The following CCDC146 variants were observed in gnomAD, a reference collection of about 807,000 sequenced individuals.
CCDC146 encodes coiled-coil domain containing 146.
CCDC146 carries 92 observed loss-of-function variants against 119.3 expected under a neutral mutation model. The ratio of observed to expected loss-of-function variants is 0.77; its 90% CI spans 0.65 to 0.92. CCDC146 has a LOEUF of 0.92. CCDC146 is among the 40% of genes least tolerant of loss of function. The probability of loss-of-function intolerance (pLI) is 0.00; values close to 1 mark genes in which losing one functional copy is unlikely to be tolerated. For missense variants in CCDC146, 1,000 were observed against 1,103.0 expected (o/e 0.91, Z 1.32); for synonymous variants, 372 against 371.8 (o/e 1.00, Z -0.01).
At chr7:77,293,278 A>C in intron 18 of CCDC146, 78 bp downstream of exon 18, 1 of 1,506,934 alleles carries the variant, frequency 6.6e-7, no homozygotes, top group African/African-American at 1.4e-5. Context: ...GTTATCCCAC[A>C]GTATAAGAAA....
chr7:77,286,873 T>A lies in CCDC146; in HGVS notation c.2224T>A (p.Phe742Ile). 6.2e-7 allele frequency: 1 copy of A among 1,614,148 alleles called. No individual in the cohort carries two copies. Among genetic ancestry groups the A allele is most frequent in the Middle Eastern group, 1.6e-4 (1 of 6,062 alleles). Residue 742 changes from phenylalanine to isoleucine, a missense_variant, in exon 16 of 19, where the codon TTC becomes ATC. Coordinates refer to ENST00000285871, the MANE Select transcript of CCDC146 (RefSeq NM_020879.3). ...GCCTGATGGTGAGAATAGAGCTCGC[T>A]TCCTTCCAGGGAAAGATCTGACCGA... ...VKPDGENRARFLPGKDLTEKE... is the reference protein window; with the variant it reads ...VKPDGENRARILPGKDLTEKE...
chr7:77,183,606 C>A (rs1190021157), intron 2 of CCDC146, among the ~76,000 whole-genome samples: 1 of 152,162 alleles, frequency 6.6e-6, no homozygotes, highest in African/African-American at 2.4e-5. Flanking sequence ...TTCCCTGTTT[C>A]TGTGCTTCAG....
Position 77,278,851 on chromosome 7 carries a change from T to C in CCDC146, c.1529+11T>C. 2 of 1,604,956 alleles carry C rather than the reference T, an allele frequency of 1.2e-6. No individual in the cohort carries two copies. The highest frequency in any genetic ancestry group is 2.2e-5 in the East Asian group (1 of 44,790). ...TGAAATTTATCGGAGGTAAAGTAAT[T>C]ATGTGGTGTTTTATCTACGTAGGTG... On this transcript the variant is annotated intron_variant, in intron 12 of 18. Coordinates refer to ENST00000285871, the MANE Select transcript of CCDC146 (RefSeq NM_020879.3).
chr7:77,217,773 G>C (rs1032527783), intron 2 of CCDC146, among the ~76,000 whole-genome samples: 4 of 152,092 alleles, frequency 2.6e-5, no homozygotes, highest in Admixed American at 6.6e-5. Flanking sequence ...CTACAAGTCT[G>C]TACAGCATGT....
intron 1 of CCDC146, among the ~76,000 whole-genome samples, chr7:77,138,169 A>C (rs1790884107): frequency 1.3e-5 from 2 of 152,130 alleles, no homozygotes; most frequent in African/African-American, 4.8e-5. Flanking sequence ...ATAGAACAGA[A>C]TAAAGGGTCC....
intron 2 of CCDC146, among the ~76,000 whole-genome samples, chr7:77,216,772 C>T (rs1443141660): frequency 6.6e-6 from 1 of 152,076 alleles, no homozygotes; most frequent in East Asian, 1.9e-4. Flanking sequence ...TCTGCATTTC[C>T]CTTACAAATT....
intron 3 of CCDC146, among the ~76,000 whole-genome samples, chr7:77,240,916 T>C (rs954035311): frequency 4.6e-5 from 7 of 152,116 alleles, no homozygotes; most frequent in Non-Finnish European, 7.4e-5. Flanking sequence ...CTCCTTGATC[T>C]CTGTGACAAT....
At chr7:77,165,565 T>C (rs1041031351) in intron 1 of CCDC146, among the ~76,000 whole-genome samples, 10 of 152,078 alleles carry the variant, frequency 6.6e-5, no homozygotes, top group Non-Finnish European at 7.4e-5. Flanking sequence ...AGGCCAGCAC[T>C]TGAGTGCAGA....
intron 15 of CCDC146, among the ~76,000 whole-genome samples, chr7:77,285,489 T>C (rs1419459858): frequency 3.3e-5 from 5 of 152,230 alleles, no homozygotes; most frequent in Admixed American, 2.0e-4. Context: ...ATTTTAAAAA[T>C]GCTACCTGTA....
At chr7:77,262,952 A>C (rs1452685480) in intron 9 of CCDC146, among the ~76,000 whole-genome samples, 9 of 152,184 alleles carry the variant, frequency 5.9e-5, no homozygotes, top group Admixed American at 5.9e-4. Context: ...GATCCTTGAG[A>C]GGGCTTCAGC....
At chr7:77,201,342 G>A (rs1448334849) in intron 2 of CCDC146, among the ~76,000 whole-genome samples, 1 of 149,074 alleles carries the variant, frequency 6.7e-6, no homozygotes, top group South Asian at 2.1e-4. Flanking sequence ...AGGAGTTTGA[G>A]ACCAACCTGG....
In CCDC146 at chr7:77,254,525, A is replaced by C. The variant is rs779867461; in HGVS notation, c.469A>C (p.Ile157Leu). ...TTGCAGCTTAAAGGAAGAAAAAATCATCATAGTAAAAGAATTTGAGAAGAT... is the reference window on the plus strand; with the variant it reads ...TTGCAGCTTAAAGGAAGAAAAAATCCTCATAGTAAAAGAATTTGAGAAGAT... ...RLNSLKEEKIIIVKEFEKITK... is the reference protein window; with the variant it reads ...RLNSLKEEKILIVKEFEKITK... The change falls in exon 5 of 19, where the codon ATC becomes CTC. Residue 157 changes from isoleucine (I) to leucine (L), a missense_variant. This residue lies in a region of CCDC146 where 985 missense variants were observed against 1,045.3 expected (regional missense o/e 0.94). Coordinates refer to ENST00000285871, the MANE Select transcript of CCDC146 (RefSeq NM_020879.3). 4.5e-6 allele frequency: 7 copies of C among 1,548,004 alleles called. No homozygotes were observed. The highest frequency in any genetic ancestry group is 1.4e-5 in the African/African-American group (1 of 72,972).
chr7:77,128,164 C>G (rs1790716275), intron 1 of CCDC146, among the ~76,000 whole-genome samples: 2 of 151,952 alleles, frequency 1.3e-5, no homozygotes, highest in African/African-American at 2.4e-5. Flanking sequence ...TAAACAAACT[C>G]TGTTTCATGG....
At chr7:77,259,133 G>A (rs1241338619) in intron 7 of CCDC146, 65 bp downstream of exon 7, 2 of 939,224 alleles carry the variant, frequency 2.1e-6, no homozygotes, top group African/African-American at 3.3e-5. Context: ...ACTAGAACAA[G>A]AGTACTAACC....
chr7:77,289,424 C>T (rs111348656), intron 17 of CCDC146, among the ~76,000 whole-genome samples: 1,742 of 152,280 alleles, frequency 0.011, 17 homozygotes, highest in Middle Eastern at 0.027. Flanking sequence ...CTTCCTCCTC[C>T]CCAGCTTTCA....
intron 1 of CCDC146, among the ~76,000 whole-genome samples, chr7:77,163,172 G>C (rs573966693): frequency 2.3e-4 from 35 of 152,184 alleles, no homozygotes; most frequent in Non-Finnish European, 4.7e-4. Context: ...TCAAGGCCAG[G>C]CGTGGTGGCT....
chr7:77,199,135 G>A (rs1422091217), intron 2 of CCDC146: 1 of 1,516,036 alleles, frequency 6.6e-7, no homozygotes, highest in Admixed American at 1.8e-5. Flanking sequence ...CTCTCTAGCT[G>A]TATAACATTT....
chr7:77,214,451 A>T (rs1792260431), intron 2 of CCDC146, among the ~76,000 whole-genome samples: 1 of 152,048 alleles, frequency 6.6e-6, no homozygotes, highest in Non-Finnish European at 1.5e-5. Flanking sequence ...CTCTTTAATT[A>T]AATTTCATTT....
At chr7:77,157,901 T>C (rs1289850085) in intron 1 of CCDC146, among the ~76,000 whole-genome samples, 1 of 152,214 alleles carries the variant, frequency 6.6e-6, no homozygotes, top group Non-Finnish European at 1.5e-5. Context: ...AGGAACCTTG[T>C]CTGGTCTTGC....
Sources: allele counts gnomAD v4.1 joint callset (sites outside exome capture counted in the v4.1 genomes callset), GRCh38; gene constraint gnomAD v4.1.1; regional missense constraint gnomAD v4.1.1; transcripts MANE v1.5; gene names NCBI Gene and HGNC (gene_info 2026-07-23, HGNC 2026-07-21).